AFAP1: variants seen among roughly 807,000 people sequenced by gnomAD.
AFAP1 encodes actin filament-associated protein 1.
A neutral mutation model predicts 93.9 loss-of-function variants in AFAP1; 75 were observed. The ratio of observed to expected loss-of-function variants is 0.80; its 90% CI spans 0.66 to 0.97. The LOEUF is 0.97. Ranked by LOEUF, AFAP1 falls within the 50% of genes least tolerant of loss-of-function variation. The pLI is 0.00. For synonymous variants in AFAP1, 517 were observed against 430.7 expected, an observed-to-expected ratio of 1.20 and a Z score of -2.48; for missense variants, 1,201 against 1,050.8, an observed-to-expected ratio of 1.14 and a Z score of -1.98.
chr4:7,848,164 TGGGAGGGA>T (rs202157134), intron 4 of AFAP1, among the ~76,000 whole-genome samples: 26 of 75,818 alleles, frequency 3.4e-4, no homozygotes, highest in Admixed American at 2.7e-3. Flanking sequence ...GATGGGTAAG[TGGGAGGGA>T]GGGAGGGAGG....
intron 12 of AFAP1, 94 bp downstream of exon 12, chr4:7,786,100 A>T: frequency 1.7e-6 from 2 of 1,175,206 alleles, no homozygotes; most frequent in South Asian, 2.7e-5. Context: ...AGCTGACCTT[A>T]TTCAGACCTG....
chr4:7,838,646 T>G lies in AFAP1; in HGVS notation c.604A>C (p.Asn202His). ...PQMELPLQGC[N>H]ITYIPKDSKK... Reference sequence around the variant, plus strand: ...CTGTCTTTCGGGATGTACGTAATGTTACAGCCTTGGAGTGGCAGTTCCATC... The same window carrying G: ...CTGTCTTTCGGGATGTACGTAATGTGACAGCCTTGGAGTGGCAGTTCCATC... Residue 202 changes from asparagine to histidine, a missense_variant, in exon 6 of 18, where the codon AAC becomes CAC. Coordinates refer to ENST00000420658, the MANE Select transcript of AFAP1 (RefSeq NM_001134647.2). 1.2e-6 allele frequency: 2 copies of G among 1,614,172 alleles called. No individual in the cohort carries two copies. The highest frequency in any genetic ancestry group is 1.7e-6 in the Non-Finnish European group (2 of 1,180,032).
chr4:7,844,355 G>A (rs796874411), intron 4 of AFAP1, among the ~76,000 whole-genome samples: 4 of 152,308 alleles, frequency 2.6e-5, no homozygotes, highest in African/African-American at 9.6e-5. Flanking sequence ...CTAAAAGCCA[G>A]GAAGAGGCCT....
intron 10 of AFAP1, among the ~76,000 whole-genome samples, chr4:7,800,159 T>A (rs545199641): frequency 2.6e-5 from 4 of 152,144 alleles, no homozygotes; most frequent in Non-Finnish European, 5.9e-5. Context: ...CAACCAGGCA[T>A]AAAGAGGAAC....
chr4:7,889,642 C>T (rs191974770), intron 1 of AFAP1, among the ~76,000 whole-genome samples: 39 of 144,614 alleles, frequency 2.7e-4, no homozygotes, highest in Admixed American at 1.9e-3. Context: ...TCAAACTATT[C>T]TTTAAACATG....
chr4:7,854,075 C>T (rs1472535138), intron 4 of AFAP1, among the ~76,000 whole-genome samples: 2 of 152,180 alleles, frequency 1.3e-5, no homozygotes, highest in Non-Finnish European at 2.9e-5. Context: ...GGGCCAGAGA[C>T]AAACGTTCCA....
Position 7,843,186 on chromosome 4 carries a change from C to T in AFAP1, c.499G>A (p.Gly167Ser), listed in dbSNP as rs372834707. The change falls in exon 5 of 18, where the codon GGC becomes AGC. Residue 167 changes from glycine (G) to serine (S), a missense_variant. Coordinates refer to ENST00000420658, the MANE Select transcript of AFAP1 (RefSeq NM_001134647.2). Reference sequence around the variant, plus strand: ...ACGCAGAGCAACTTGGTCCACTGGCCGAACCGCTTCTTCCGCAGCAGGAAG... The same window carrying T: ...ACGCAGAGCAACTTGGTCCACTGGCTGAACCGCTTCTTCCGCAGCAGGAAG... Reference protein sequence around the residue: ...CAFLLRKKRFGQWTKLLCVIK... With the variant: ...CAFLLRKKRFSQWTKLLCVIK... 2.5e-6 allele frequency: 4 copies of T among 1,614,044 alleles called. No individual in the cohort carries two copies. Among genetic ancestry groups the T allele is most frequent in the Non-Finnish European group, 3.4e-6 (4 of 1,180,038 alleles).
chr4:7,845,614 G>A (rs1290198142), intron 4 of AFAP1, among the ~76,000 whole-genome samples: 2 of 151,932 alleles, frequency 1.3e-5, no homozygotes, highest in Non-Finnish European at 2.9e-5. Context: ...CCCTGGTCTG[G>A]GTCACAGGTC....
chr4:7,774,390 G>A (rs559374941), intron 15 of AFAP1: 91 of 247,154 alleles, frequency 3.7e-4, no homozygotes, highest in African/African-American at 1.2e-3. Flanking sequence ...CCTCCTACCC[G>A]GTGACCAGAA....
chr4:7,764,003 G>A (rs555065410), intron 17 of AFAP1, among the ~76,000 whole-genome samples: 8 of 152,254 alleles, frequency 5.3e-5, no homozygotes, highest in Admixed American at 2.0e-4. Context: ...CACACACCCC[G>A]TTCACAGCAG....
chr4:7,822,546 T>C (rs1721053904), intron 6 of AFAP1, among the ~76,000 whole-genome samples: 1 of 151,468 alleles, frequency 6.6e-6, no homozygotes, highest in Admixed American at 6.6e-5. Context: ...CAAATGTTTT[T>C]ATTCAAAAAA....
rs186997850 is a variant in AFAP1 at position 7,909,522 on chromosome 4, G to A, written c.-3+30134C>T. Reference sequence around the variant, plus strand: ...TTGTTTCATGAAGAAAAGGTGGAATGGGTAGAGATCGGAATAGAGTGAATA... The same window carrying A: ...TTGTTTCATGAAGAAAAGGTGGAATAGGTAGAGATCGGAATAGAGTGAATA... On this transcript the variant is annotated intron_variant, in intron 1 of 17. Transcript: ENST00000420658. 1.1e-4 allele frequency among the ~76,000 whole-genome samples: 17 copies of A among 152,334 alleles called. 1 individual carries two copies. In the South Asian group the frequency reaches 1.9e-3, roughly 17 times the overall value.
intron 14 of AFAP1, 129 bp downstream of exon 14, chr4:7,778,633 G>T: frequency 1.2e-6 from 1 of 868,844 alleles, no homozygotes; most frequent in South Asian, 1.4e-5. Flanking sequence ...GAGGAAGGAT[G>T]ACGGTGCCCA....
At chr4:7,831,377 A>C (rs1711588935) in intron 6 of AFAP1, among the ~76,000 whole-genome samples, 1 of 149,326 alleles carries the variant, frequency 6.7e-6, no homozygotes, top group Non-Finnish European at 1.5e-5. Flanking sequence ...TCCTTTTAAG[A>C]AAAATCAGCA....
intron 9 of AFAP1, among the ~76,000 whole-genome samples, chr4:7,805,244 G>A (rs770012956): frequency 1.3e-5 from 2 of 151,670 alleles, no homozygotes; most frequent in Non-Finnish European, 2.9e-5. Context: ...CAAATGAGAC[G>A]TATCTAGCTT....
Position 7,791,888 on chromosome 4 carries a change from C to G in AFAP1, c.1412+1793G>C, listed in dbSNP as rs1030296354. 2.0e-5 allele frequency among the ~76,000 whole-genome samples: 3 copies of G among 149,116 alleles called. No homozygotes were observed. In the East Asian group the frequency reaches 5.9e-4, roughly 29 times the overall value. On this transcript the variant is annotated intron_variant, in intron 11 of 17. Transcript: ENST00000420658. ...AACAACAACAACAAAACCCTAATAACAAACCAAAACGTGGCAGAGTGTTCA... is the reference window on the plus strand; with the variant it reads ...AACAACAACAACAAAACCCTAATAAGAAACCAAAACGTGGCAGAGTGTTCA...
At chr4:7,793,567 A>T in intron 11 of AFAP1, 114 bp downstream of exon 11, 1 of 1,181,404 alleles carries the variant, frequency 8.5e-7, no homozygotes, top group South Asian at 3.2e-5. Context: ...CAAAAGGGAA[A>T]GTCTTTAGTT....
intron 6 of AFAP1, among the ~76,000 whole-genome samples, chr4:7,837,313 C>T (rs965253047): frequency 2.6e-5 from 4 of 152,168 alleles, no homozygotes; most frequent in African/African-American, 9.7e-5. Context: ...TGTTATGACG[C>T]AGAACCTCTG....
intron 1 of AFAP1, among the ~76,000 whole-genome samples, chr4:7,901,365 T>A (rs1719108185): frequency 6.6e-6 from 1 of 152,146 alleles, no homozygotes; most frequent in Non-Finnish European, 1.5e-5. Context: ...CACCGAAGAT[T>A]AAAATATGCA....
Sources: gnomAD v4.1 joint callset for allele counts (sites outside exome capture counted in the v4.1 genomes callset) on GRCh38, gnomAD v4.1.1 for gene constraint, MANE v1.5 for transcripts, NCBI Gene and HGNC (gene_info 2026-07-23, HGNC 2026-07-21) for gene names.